Variants in LRRTM4 observed in about 807,000 individuals in gnomAD.
The protein encoded by LRRTM4 is leucine rich repeat transmembrane neuronal 4.
A neutral mutation model predicts 47.6 loss-of-function variants in LRRTM4; 25 were observed. The ratio of observed to expected loss-of-function variants is 0.53; its 90% CI spans 0.38 to 0.73. The LOEUF is 0.73. LRRTM4 is among the 30% of genes least tolerant of loss of function. The pLI is 0.00. For missense variants in LRRTM4, 638 were observed against 713.4 expected (o/e 0.89, Z 1.20); for synonymous variants, 311 against 269.5 (o/e 1.15, Z -1.51).
intron 3 of LRRTM4, among the ~76,000 whole-genome samples, chr2:77,288,446 G>T (rs1676723582): frequency 6.6e-6 from 1 of 151,738 alleles, no homozygotes; most frequent in South Asian, 2.1e-4. Context: ...CTTTCTGAAG[G>T]AAAGATAAAT....
chr2:77,516,242 T>C lies in LRRTM4; in HGVS notation c.1551+2076A>G, dbSNP rs1406217735. Among the ~76,000 whole-genome samples the C allele has an allele frequency of 2.0e-5, 3 of 152,022 alleles. No homozygotes were observed. In the East Asian group the frequency reaches 5.8e-4, roughly 29 times the overall value. ...ACTAGTGCAATTTCATGACATTAAA[T>C]GTCAATCTATATAACACATACAATA... On this transcript the variant is annotated intron_variant, in intron 3 of 3. Transcript: ENST00000409884.
At chr2:76,792,440 TGGGAACTATG>T (rs940696183) in intron 3 of LRRTM4, among the ~76,000 whole-genome samples, 7 of 152,202 alleles carry the variant, frequency 4.6e-5, no homozygotes, top group Admixed American at 1.3e-4. Flanking sequence ...AACACTCTGC[TGGGAACTATG>T]GTAATCCAAA....
chr2:76,896,512 C>A (rs1673423209), intron 3 of LRRTM4, among the ~76,000 whole-genome samples: 1 of 151,828 alleles, frequency 6.6e-6, no homozygotes, highest in Non-Finnish European at 1.5e-5. Flanking sequence ...TCAGAAGCAA[C>A]TTTTCATGAT....
At chr2:76,968,505 C>T (rs2103933289) in intron 3 of LRRTM4, among the ~76,000 whole-genome samples, 1 of 150,682 alleles carries the variant, frequency 6.6e-6, no homozygotes, top group African/African-American at 2.4e-5. Flanking sequence ...TTTGTATTCT[C>T]ACATTGTATG....
At chr2:76,806,601 G>C (rs184421540) in intron 3 of LRRTM4, among the ~76,000 whole-genome samples, 4,575 of 151,478 alleles carry the variant, frequency 0.03, 222 homozygotes, top group African/African-American at 0.091. Context: ...TTTTTAAAAA[G>C]AAAAAAAACA....
intron 3 of LRRTM4, among the ~76,000 whole-genome samples, chr2:77,448,678 G>A (rs1398634031): frequency 6.6e-6 from 1 of 152,114 alleles, no homozygotes; most frequent in Non-Finnish European, 1.5e-5. Context: ...ATGAGAGAGA[G>A]TCTCTTGGAG....
At chr2:77,038,897 C>T (rs1678933146) in intron 3 of LRRTM4, among the ~76,000 whole-genome samples, 1 of 151,188 alleles carries the variant, frequency 6.6e-6, no homozygotes, top group East Asian at 1.9e-4. Context: ...GTTTAGAGAC[C>T]AAATTACACT....
chr2:76,885,832 A>G (rs1359225755), intron 3 of LRRTM4, among the ~76,000 whole-genome samples: 1 of 152,202 alleles, frequency 6.6e-6, no homozygotes, highest in African/African-American at 2.4e-5. Context: ...TGAAAAATGC[A>G]TATAAGCTTA....
intron 3 of LRRTM4, among the ~76,000 whole-genome samples, chr2:77,198,424 A>G (rs1159369271): frequency 1.3e-5 from 2 of 152,176 alleles, no homozygotes; most frequent in African/African-American, 4.8e-5. Context: ...TTGGCTCAGA[A>G]ATCATAAATA....
chr2:77,357,956 A>T (rs774392957), intron 3 of LRRTM4, among the ~76,000 whole-genome samples: 7 of 152,118 alleles, frequency 4.6e-5, no homozygotes, highest in Admixed American at 6.5e-5. Flanking sequence ...AATGTGTTTA[A>T]ATATATATAC....
chr2:77,210,648 A>G (rs186318801), intron 3 of LRRTM4, among the ~76,000 whole-genome samples: 87 of 152,162 alleles, frequency 5.7e-4, no homozygotes, highest in African/African-American at 2.0e-3. Flanking sequence ...TAAAGCTCCA[A>G]TCAAATTCAG....
At chr2:77,351,967 T>C (rs746258507) in intron 3 of LRRTM4, among the ~76,000 whole-genome samples, 2 of 152,148 alleles carry the variant, frequency 1.3e-5, no homozygotes, top group Non-Finnish European at 2.9e-5. Flanking sequence ...TTTGTACAAC[T>C]TTATTAATGA....
chr2:76,790,774 G>C (rs1558654986), intron 3 of LRRTM4, among the ~76,000 whole-genome samples: 1 of 151,174 alleles, frequency 6.6e-6, no homozygotes. Flanking sequence ...TCTACTCTTT[G>C]ATCAAATTTG....
At chr2:76,796,417 G>C (rs1472044403) in intron 3 of LRRTM4, among the ~76,000 whole-genome samples, 1 of 132,352 alleles carries the variant, frequency 7.6e-6, no homozygotes, top group African/African-American at 2.9e-5. Flanking sequence ...AAATGTCCCT[G>C]TCTGACAGCT....
At chr2:76,899,397 T>A (rs1348684130) in intron 3 of LRRTM4, among the ~76,000 whole-genome samples, 5 of 151,400 alleles carry the variant, frequency 3.3e-5, no homozygotes, top group African/African-American at 1.2e-4. Context: ...ATAAATACTA[T>A]TGAGAGGTAG....
intron 3 of LRRTM4, among the ~76,000 whole-genome samples, chr2:77,081,210 C>T (rs918502463): frequency 6.7e-6 from 1 of 149,376 alleles, no homozygotes; most frequent in African/African-American, 2.5e-5. Context: ...GTTTCTGTTC[C>T]CTAAAGTATT....
chr2:77,084,838 A>G (rs1007927467), intron 3 of LRRTM4, among the ~76,000 whole-genome samples: 1 of 152,226 alleles, frequency 6.6e-6, no homozygotes, highest in Admixed American at 6.5e-5. Context: ...GGTAACAATT[A>G]TAAGTGGTAG....
At chr2:77,156,454 G>C (rs1558608921) in intron 3 of LRRTM4, among the ~76,000 whole-genome samples, 1 of 151,878 alleles carries the variant, frequency 6.6e-6, no homozygotes, top group Non-Finnish European at 1.5e-5. Context: ...ATTCAAGCAT[G>C]GGAATTGGGA....
At chr2:77,112,515 C>A (rs1572973790) in intron 3 of LRRTM4, among the ~76,000 whole-genome samples, 1 of 151,744 alleles carries the variant, frequency 6.6e-6, no homozygotes, top group East Asian at 1.9e-4. Flanking sequence ...ATTAATAAAT[C>A]TGTAATAGGT....
Sources: gnomAD v4.1 joint callset for allele counts (sites outside exome capture counted in the v4.1 genomes callset) on GRCh38, gnomAD v4.1.1 for gene constraint, MANE v1.5 for transcripts, NCBI Gene and HGNC (gene_info 2026-07-23, HGNC 2026-07-21) for gene names.